Variants in ALDH1L2 observed in about 807,000 individuals in gnomAD.
ALDH1L2 encodes mitochondrial 10-formyltetrahydrofolate dehydrogenase.
ALDH1L2 carries 91 observed loss-of-function variants against 111.0 expected under a neutral mutation model. That is an observed-to-expected ratio of 0.82 (90% CI 0.69 to 0.98). The LOEUF (loss-of-function observed/expected upper bound fraction) is 0.98, where lower values mean the gene tolerates loss of function less well. Among genes scored for constraint, ALDH1L2 ranks in the 50% least tolerant of loss-of-function variants. The pLI, the probability that ALDH1L2 is intolerant of heterozygous loss-of-function variation, is 0.00. For missense variants in ALDH1L2, 995 were observed against 1,126.8 expected (o/e 0.88, Z 1.67); for synonymous variants, 374 against 392.6 (o/e 0.95, Z 0.56).
At chr12:105,035,384 C>T (rs898048062) in intron 18 of ALDH1L2, among the ~76,000 whole-genome samples, 3 of 152,026 alleles carry the variant, frequency 2.0e-5, no homozygotes, top group Non-Finnish European at 2.9e-5. Flanking sequence ...AGTGCAGTGG[C>T]GTGATCATGG....
chr12:105,052,618 A>G (rs1447641271), intron 11 of ALDH1L2, among the ~76,000 whole-genome samples, 194 bp downstream of exon 11: 1 of 152,240 alleles, frequency 6.6e-6, no homozygotes, highest in East Asian at 1.9e-4. Context: ...GTTCTATAAA[A>G]TAGGTTACTA....
intron 16 of ALDH1L2, 37 bp downstream of exon 16, chr12:105,040,570 C>A: frequency 6.3e-7 from 1 of 1,591,266 alleles, no homozygotes; most frequent in South Asian, 1.1e-5. Flanking sequence ...CAGTACCATT[C>A]ATTAGTTATA....
intron 6 of ALDH1L2, among the ~76,000 whole-genome samples, chr12:105,063,960 A>G (rs1489735333): frequency 2.2e-5 from 3 of 136,602 alleles, no homozygotes; most frequent in East Asian, 2.3e-4. Flanking sequence ...GTTAACATGT[A>G]TTAATTCTTT....
rs114668995 is a variant in ALDH1L2 at position 105,067,756 on chromosome 12, C to T, written c.594+963G>A. On this transcript the variant is annotated intron_variant, in intron 4 of 22. Transcript: ENST00000258494. ...CCACAGGGGAACAGAGCCAAGTTTA[C>T]AGCTCATTCCACCCACCTCCATCTA... 6.4e-3 allele frequency among the ~76,000 whole-genome samples: 969 copies of T among 152,314 alleles called. 15 individuals carry two copies. The highest frequency in any genetic ancestry group is 0.022 in the African/African-American group (911 of 41,548).
Position 105,026,579 on chromosome 12 carries a change from G to A in ALDH1L2, c.2682C>T (p.Gly894=), listed in dbSNP as rs147700070. 1,999 of 1,614,054 alleles carry A rather than the reference G, an allele frequency of 1.2e-3. 46 individuals are homozygous for A. In the East Asian group the frequency reaches 0.04, roughly 32 times the overall value. The change falls in exon 22 of 23, where the codon GGC becomes GGT. Residue 894 remains glycine, a synonymous_variant. Transcript: ENST00000258494. ...TTCCAAAGCCAGATTGTTTAACTCCGCCAAATGGGGCCGCCACATCTGTCT... is the reference window on the plus strand; with the variant it reads ...TTCCAAAGCCAGATTGTTTAACTCCACCAAATGGGGCCGCCACATCTGTCT... The part of the protein sequence containing the change: ...YNKTDVAAPF[G]GVKQSGFGKD...
chr12:105,071,204 C>G (rs1208408668), intron 2 of ALDH1L2, among the ~76,000 whole-genome samples: 1 of 152,224 alleles, frequency 6.6e-6, no homozygotes, highest in African/African-American at 2.4e-5. Context: ...AGCCATGAAA[C>G]TCTTCCCTCC....
At chr12:105,046,484 T>C (rs1045720603) in intron 15 of ALDH1L2, among the ~76,000 whole-genome samples, 1 of 151,860 alleles carries the variant, frequency 6.6e-6, no homozygotes, top group African/African-American at 2.4e-5. Context: ...ATGTGCACCA[T>C]GCTTGCTTCT....
chr12:105,065,297 G>A lies in ALDH1L2; in HGVS notation c.756C>T (p.Val252=). The A allele has an allele frequency of 5.6e-6, 9 of 1,611,344 alleles. No individual in the cohort carries two copies. Among genetic ancestry groups the A allele is most frequent in the Non-Finnish European group, 6.8e-6 (8 of 1,178,030 alleles). The change falls in exon 6 of 23, where the codon GTC becomes GTT. Residue 252 remains valine (V), a synonymous_variant. Coordinates refer to ENST00000258494, the MANE Select transcript of ALDH1L2 (RefSeq NM_001034173.4). ...LHNWIRGHDK[V]PGAWTEINGQ... ...CATTTATCTCTGTCCAAGCTCCAGGGACTTTATCATGACCTCGAATCCAGT... is the reference window on the plus strand; with the variant it reads ...CATTTATCTCTGTCCAAGCTCCAGGAACTTTATCATGACCTCGAATCCAGT...
At position 105,026,689 on chromosome 12, in the gene ALDH1L2, C is replaced by G; in HGVS notation, c.2572G>C (p.Gly858Arg). ...ANSTEYGLAS[G>R]VFTRDINKAM... ...TTGTTTATGTCTCTTGTAAAAACCC[C>G]TGAGGCCAAACCATACTCTGTACTA... is the stretch of plus-strand genomic sequence containing the variant. The change falls in exon 22 of 23, where the codon GGG becomes CGG. Residue 858 changes from glycine (G) to arginine (R), a missense_variant. Gly to Arg is a moderately radical substitution (Grantham distance 125). Coordinates refer to ENST00000258494, the MANE Select transcript of ALDH1L2 (RefSeq NM_001034173.4). The G allele has an allele frequency of 6.2e-7, 1 of 1,614,202 alleles. No homozygotes were observed. Among genetic ancestry groups the G allele is most frequent in the African/African-American group, 1.3e-5 (1 of 75,050 alleles).
chr12:105,078,454 G>A (rs1271559300), intron 1 of ALDH1L2, among the ~76,000 whole-genome samples: 1 of 152,120 alleles, frequency 6.6e-6, no homozygotes, highest in African/African-American at 2.4e-5. Flanking sequence ...GCAAGACTCT[G>A]TCTCAAAAAA....
Position 105,023,150 on chromosome 12 carries a change from C to T in ALDH1L2, c.*1274G>A, listed in dbSNP as rs1212585409. On this transcript the variant is annotated 3_prime_UTR_variant, in exon 23 of 23. Transcript: ENST00000258494. ...TGTATATTATCTCACTGAATCCTTGCAACACCTACTGAGATAGAGATTTGA... is the reference window on the plus strand; with the variant it reads ...TGTATATTATCTCACTGAATCCTTGTAACACCTACTGAGATAGAGATTTGA... 2.0e-5 allele frequency: 3 copies of T among 152,176 alleles called. No individual in the cohort carries two copies. The highest frequency in any genetic ancestry group is 4.4e-5 in the Non-Finnish European group (3 of 68,028). 9.4% of individuals were successfully genotyped at this position (152,176 alleles called of 1,614,324 possible).
intron 15 of ALDH1L2, among the ~76,000 whole-genome samples, chr12:105,045,415 C>A (rs925842570): frequency 1.3e-5 from 2 of 151,832 alleles, no homozygotes; most frequent in African/African-American, 4.8e-5. Context: ...CATTAATTAG[C>A]AATATATACA....
At chr12:105,054,161 A>C (rs1414988858) in intron 10 of ALDH1L2, among the ~76,000 whole-genome samples, 1 of 152,224 alleles carries the variant, frequency 6.6e-6, no homozygotes, top group South Asian at 2.1e-4. Flanking sequence ...TCACACAGCT[A>C]GTAAGCCATG....
chr12:105,074,122 C>T (rs1565974034), intron 1 of ALDH1L2, 117 bp from the exon 2 acceptor site: 2 of 1,342,950 alleles, frequency 1.5e-6, no homozygotes, highest in Non-Finnish European at 2.0e-6. Context: ...TCAGGTACAC[C>T]AAAAGCCCAG....
At chr12:105,035,273 A>T (rs989673302) in intron 18 of ALDH1L2, among the ~76,000 whole-genome samples, 3 of 152,164 alleles carry the variant, frequency 2.0e-5, no homozygotes, top group Admixed American at 6.5e-5. Context: ...TTTTGCTTTT[A>T]AAAATCTCTA....
intron 17 of ALDH1L2, 45 bp downstream of exon 17, chr12:105,039,668 T>C (rs547663974): frequency 6.4e-7 from 1 of 1,552,092 alleles, no homozygotes; most frequent in Non-Finnish European, 8.9e-7. Flanking sequence ...AATTGAAACC[T>C]AGTTTAACAG....
chr12:105,049,509 G>A (rs1565959013), intron 13 of ALDH1L2: 1 of 153,088 alleles, frequency 6.5e-6, no homozygotes, highest in Non-Finnish European at 1.5e-5. Context: ...GAGGTGTTTA[G>A]GTCGTGAGGG....
At chr12:105,084,250 G>T in intron 1 of ALDH1L2, 139 bp downstream of exon 1, 1 of 1,046,564 alleles carries the variant, frequency 9.6e-7, no homozygotes, top group Non-Finnish European at 1.3e-6. Flanking sequence ...TTGTTTGTTT[G>T]TTTTAAACGC....
At chr12:105,044,451 C>T (rs775015708) in intron 15 of ALDH1L2, among the ~76,000 whole-genome samples, 23 of 151,384 alleles carry the variant, frequency 1.5e-4, no homozygotes, top group Non-Finnish European at 1.2e-4. Context: ...CAGTGGGGCC[C>T]AATATCAGCA....
Sources: allele counts gnomAD v4.1 joint callset (sites outside exome capture counted in the v4.1 genomes callset), GRCh38; gene constraint gnomAD v4.1.1; transcripts MANE v1.5; gene names NCBI Gene and HGNC (gene_info 2026-07-23, HGNC 2026-07-21).